Variants in PARD3B observed in about 807,000 individuals in gnomAD.
The protein encoded by PARD3B is par-3 family cell polarity regulator beta, also known as partitioning defective 3 homolog B.
In PARD3B, 103 loss-of-function variants were observed where a neutral mutation model predicts 130.2. That is an observed-to-expected ratio of 0.79 (90% CI 0.67 to 0.93). The LOEUF is 0.93. Among genes scored for constraint, PARD3B ranks in the 40% least tolerant of loss-of-function variants. The pLI is 0.00. For synonymous variants in PARD3B, 583 were observed against 553.2 expected (o/e 1.05, Z -0.76); for missense variants, 1,609 against 1,499.2 (o/e 1.07, Z -1.21).
Position 205,441,895 on chromosome 2 carries a change from T to A in PARD3B, c.3044+1223T>A, listed in dbSNP as rs190269222. On this transcript the variant is annotated intron_variant, in intron 20 of 22. Coordinates refer to ENST00000406610, the MANE Select transcript of PARD3B (RefSeq NM_001302769.2). ...GGTGAAGTTTTTCTTTGGGACAAAATGAAAATATAAATTTTTATGACTGTG... is the reference window on the plus strand; with the variant it reads ...GGTGAAGTTTTTCTTTGGGACAAAAAGAAAATATAAATTTTTATGACTGTG... Among the ~76,000 whole-genome samples the A allele has an allele frequency of 2.6e-5, 4 of 152,306 alleles. No homozygotes were observed. The East Asian group carries it at 7.7e-4, about 29-fold the overall frequency.
intron 19 of PARD3B, among the ~76,000 whole-genome samples, chr2:205,411,356 A>G (rs2046591179): frequency 6.6e-6 from 1 of 152,168 alleles, no homozygotes; most frequent in African/African-American, 2.4e-5. Context: ...CATGTTTGGG[A>G]CCAACTAATG....
intron 2 of PARD3B, among the ~76,000 whole-genome samples, chr2:204,767,073 T>C (rs1217126767): frequency 1.6e-5 from 2 of 125,844 alleles, no homozygotes; most frequent in Non-Finnish European, 3.3e-5. Context: ...TATGTATACA[T>C]GTGCCATGCT....
rs554119305 is a variant in PARD3B, at chr2:204,797,089, C to T, written c.222+110807C>T. ...ACTCGGGAGGCTGAGGCAGGAGAAT[C>T]GCTTGAACCGAGGAGGTGGAGGTTA... On this transcript the variant is annotated intron_variant, in intron 2 of 22. Transcript: ENST00000406610. Among the ~76,000 whole-genome samples the T allele has an allele frequency of 3.0e-3, 449 of 149,502 alleles. 2 individuals are homozygous for T. Among genetic ancestry groups the T allele is most frequent in the Non-Finnish European group, 5.5e-3 (373 of 67,682 alleles).
In PARD3B at chr2:204,785,676, G is replaced by A. The variant is rs190251365; in HGVS notation, c.222+99394G>A. 1.5e-3 allele frequency among the ~76,000 whole-genome samples: 223 copies of A among 151,236 alleles called. 1 individual carries two copies. Among genetic ancestry groups the A allele is most frequent in the African/African-American group, 5.1e-3 (206 of 40,542 alleles). On this transcript the variant is annotated intron_variant, in intron 2 of 22. Transcript: ENST00000406610. ...ATCCATTATTTTATCCCAGTCACTT[G>A]GGCCCAGTGCCCGACATGCAGGAAG...
intron 15 of PARD3B, among the ~76,000 whole-genome samples, chr2:205,208,308 C>G (rs1239414539): frequency 2.3e-4 from 26 of 111,668 alleles, no homozygotes; most frequent in Non-Finnish European, 7.1e-5. Flanking sequence ...AAAACTGGCA[C>G]AAGACAGGGA....
At chr2:204,600,990 T>C (rs1217319785) in intron 1 of PARD3B, among the ~76,000 whole-genome samples, 1 of 151,812 alleles carries the variant, frequency 6.6e-6, no homozygotes, top group Non-Finnish European at 1.5e-5. Flanking sequence ...TGTCAACCCA[T>C]TGGACAAGAA....
rs536905423 is a variant in PARD3B, at chr2:204,926,416, A to G, written c.223-38736A>G. On this transcript the variant is annotated intron_variant, in intron 2 of 22. Transcript: ENST00000406610. ...CTTCTTTTCTCCTAAAGAAGTTCCT[A>G]GGTGAAATTGTTCTCTGAGGAAAAT... is the stretch of plus-strand genomic sequence containing the variant. 6.6e-5 allele frequency among the ~76,000 whole-genome samples: 10 copies of G among 152,264 alleles called. No individual in the cohort carries two copies. The South Asian group carries it at 2.1e-3, about 32-fold the overall frequency.
At chr2:204,965,422 AT>A in intron 3 of PARD3B, 99 bp downstream of exon 3, 1 of 1,233,256 alleles carries the variant, frequency 8.1e-7, no homozygotes, top group Non-Finnish European at 1.1e-6. Context: ...TCCTGTTAAT[AT>A]TTTATATCGT....
intron 2 of PARD3B, among the ~76,000 whole-genome samples, chr2:204,785,714 A>G (rs1415933329): frequency 6.6e-6 from 1 of 152,214 alleles, no homozygotes; most frequent in Non-Finnish European, 1.5e-5. Flanking sequence ...CTCAAGAAAT[A>G]GAAATGTGTT....
At chr2:204,802,555 A>G (rs537063810) in intron 2 of PARD3B, among the ~76,000 whole-genome samples, 10 of 152,294 alleles carry the variant, frequency 6.6e-5, no homozygotes, top group Admixed American at 2.0e-4. Flanking sequence ...TGTCTATTGC[A>G]ACACTATTCA....
chr2:204,932,332 T>G (rs970353410), intron 2 of PARD3B, among the ~76,000 whole-genome samples: 1 of 152,164 alleles, frequency 6.6e-6, no homozygotes, highest in Non-Finnish European at 1.5e-5. Flanking sequence ...ATGAGCTTAA[T>G]GCTCTTATTT....
At chr2:205,130,739 T>G (rs1575887037) in intron 10 of PARD3B, among the ~76,000 whole-genome samples, 2 of 152,348 alleles carry the variant, frequency 1.3e-5, no homozygotes, top group South Asian at 2.1e-4. Context: ...TGCCTGCTAT[T>G]TGATGCTGGC....
intron 4 of PARD3B, among the ~76,000 whole-genome samples, chr2:205,058,972 G>A (rs1251721355): frequency 1.4e-5 from 2 of 147,496 alleles, no homozygotes; most frequent in East Asian, 4.0e-4. Flanking sequence ...TTTTAACTGT[G>A]CTTTTTGTAT....
chr2:205,209,177 C>T (rs977800505), intron 15 of PARD3B, among the ~76,000 whole-genome samples: 18 of 141,130 alleles, frequency 1.3e-4, no homozygotes, highest in Admixed American at 5.0e-4. Context: ...ATGTAGAAAG[C>T]GGAAACTGGA....
At chr2:205,418,852 T>G (rs1260475962) in intron 19 of PARD3B, among the ~76,000 whole-genome samples, 1 of 152,090 alleles carries the variant, frequency 6.6e-6, no homozygotes, top group Non-Finnish European at 1.5e-5. Flanking sequence ...GGGCAAAACT[T>G]TCTGGGAAAA....
chr2:205,580,381 G>A (rs1315702306), intron 22 of PARD3B, among the ~76,000 whole-genome samples: 4 of 152,064 alleles, frequency 2.6e-5, no homozygotes, highest in Non-Finnish European at 4.4e-5. Context: ...ATAATAAAAC[G>A]GGCTTCTCCG....
At chr2:204,848,838 A>G (rs747268007) in intron 2 of PARD3B, among the ~76,000 whole-genome samples, 1 of 152,076 alleles carries the variant, frequency 6.6e-6, no homozygotes, top group Non-Finnish European at 1.5e-5. Flanking sequence ...TCTTCATTTC[A>G]TAACATTTTT....
rs530259996 is a variant in PARD3B at position 205,474,954 on chromosome 2, C to T, written c.3045-24942C>T. 9.2e-5 allele frequency among the ~76,000 whole-genome samples: 14 copies of T among 152,234 alleles called. No individual in the cohort carries two copies. In the South Asian group the frequency reaches 1.9e-3, roughly 20 times the overall value. ...AAATTACCACTAGAAGTTTTCAGCT[C>T]GCCTCAGCCGTGAGTCATTACCAGG... On this transcript the variant is annotated intron_variant, in intron 20 of 22. Transcript: ENST00000406610.
chr2:204,636,514 A>G (rs7600675), intron 1 of PARD3B, among the ~76,000 whole-genome samples: 95,488 of 150,584 alleles, frequency 0.63, 33,468 homozygotes, highest in Non-Finnish European at 0.78. Context: ...TAAATTCTAG[A>G]AGAACAGGGT....
Sources: allele counts gnomAD v4.1 joint callset (sites outside exome capture counted in the v4.1 genomes callset), GRCh38; gene constraint gnomAD v4.1.1; transcripts MANE v1.5; gene names NCBI Gene and HGNC (gene_info 2026-07-23, HGNC 2026-07-21).